ZNF862: variants seen among roughly 807,000 people sequenced by gnomAD.
ZNF862 encodes the protein zinc finger protein 862.
ZNF862 carries 64 observed loss-of-function variants against 91.1 expected under a neutral mutation model. That is an observed-to-expected ratio of 0.70 (90% CI 0.57 to 0.87). ZNF862 has a LOEUF of 0.87. Among genes scored for constraint, ZNF862 ranks in the 40% least tolerant of loss-of-function variants. The pLI is 0.00. For missense variants in ZNF862, 1,459 were observed against 1,528.0 expected, an observed-to-expected ratio of 0.95 and a Z score of 0.75; for synonymous variants, 631 against 618.1, an observed-to-expected ratio of 1.02 and a Z score of -0.31.
In ZNF862 at chr7:149,860,583, T is replaced by C. The variant is rs1241324942; in HGVS notation, c.1423T>C (p.Trp475Arg). Residue 475 changes from tryptophan (W) to arginine (R), a missense_variant, in exon 7 of 8, where the codon TGG becomes CGG. By Grantham distance (101) the Trp-to-Arg change is moderately radical (BLOSUM62 -3). Transcript: ENST00000223210. ...GAGGTCATGGTTTGGGCAGTTCCCATGGTTAGTAATTGACCCCAAAGAGAC... is the reference window on the plus strand; with the variant it reads ...GAGGTCATGGTTTGGGCAGTTCCCACGGTTAGTAATTGACCCCAAAGAGAC... ...IQRSWFGQFPWLVIDPKETKL... is the reference protein window; with the variant it reads ...IQRSWFGQFPRLVIDPKETKL... The C allele has an allele frequency of 8.7e-6, 14 of 1,613,858 alleles. No homozygotes were observed. The East Asian group carries it at 3.1e-4, about 36-fold the overall frequency.
intron 5 of ZNF862, among the ~76,000 whole-genome samples, chr7:149,851,070 G>A (rs903641694): frequency 6.6e-6 from 1 of 152,234 alleles, no homozygotes; most frequent in Non-Finnish European, 1.5e-5. Flanking sequence ...TGGCAGATTA[G>A]CAAGGTTCTT....
intron 7 of ZNF862, among the ~76,000 whole-genome samples, 180 bp from the exon 8 acceptor site, chr7:149,863,929 C>G (rs1802613795): frequency 6.6e-6 from 1 of 152,248 alleles, no homozygotes; most frequent in South Asian, 2.1e-4. Context: ...TTGAGATCCC[C>G]TATCTCAGGA....
intron 1 of ZNF862, among the ~76,000 whole-genome samples, chr7:149,839,605 A>G (rs1286730669): frequency 6.6e-6 from 1 of 152,176 alleles, no homozygotes; most frequent in Non-Finnish European, 1.5e-5. Flanking sequence ...AAAGAGAGAA[A>G]AGGATAATGA....
rs1474358524 is a variant in ZNF862 at position 149,847,772 on chromosome 7, G to A, written c.279G>A (p.Val93=). The A allele has an allele frequency of 1.9e-6, 3 of 1,613,764 alleles. No individual in the cohort carries two copies. The highest frequency in any genetic ancestry group is 2.2e-5 in the South Asian group (2 of 91,048). The change falls in exon 4 of 8, where the codon GTG becomes GTA. Residue 93 remains valine, a synonymous_variant. Coordinates refer to ENST00000223210, the MANE Select transcript of ZNF862 (RefSeq NM_001099220.3). ...TGGGCTACATGGGAGAAATGGAGGT[G>A]CAAGGTCCCACCAGGGAGAGTGGAC... The part of the protein sequence containing the change: ...KQMGYMGEME[V]QGPTRESGQS...
intron 1 of ZNF862, among the ~76,000 whole-genome samples, chr7:149,839,540 C>T (rs1228566266): frequency 1.3e-5 from 2 of 152,148 alleles, no homozygotes; most frequent in African/African-American, 4.8e-5. Context: ...AAGGAGCTCT[C>T]CTGCAGTTTT....
chr7:149,862,021 C>G lies in ZNF862; in HGVS notation c.2861C>G (p.Ala954Gly), dbSNP rs1802527548. 5.0e-6 allele frequency: 8 copies of G among 1,613,850 alleles called. No homozygotes were observed. Among genetic ancestry groups the G allele is most frequent in the Non-Finnish European group, 6.8e-6 (8 of 1,179,880 alleles). The change falls in exon 7 of 8, where the codon GCC becomes GGC. Residue 954 changes from alanine to glycine, a missense_variant. Transcript: ENST00000223210. Reference sequence around the variant, plus strand: ...AACATGGAGGTGTTTGACACCATGGCCTGGCCAAGTGGGATTGAACTTGCC... The same window carrying G: ...AACATGGAGGTGTTTGACACCATGGGCTGGCCAAGTGGGATTGAACTTGCC... ...LKNMEVFDTM[A>G]WPSGIELASF...
At chr7:149,859,573 G>C in intron 6 of ZNF862, 47 bp downstream of exon 6, 1 of 1,468,370 alleles carries the variant, frequency 6.8e-7, no homozygotes, top group South Asian at 1.3e-5. Context: ...CCAGGGCCCA[G>C]GCGGCTATGA....
At chr7:149,856,835 GA>G (rs2128940055) in intron 5 of ZNF862, among the ~76,000 whole-genome samples, 1 of 152,306 alleles carries the variant, frequency 6.6e-6, no homozygotes, top group African/African-American at 2.4e-5. Context: ...GGGTGCAGGG[GA>G]GGCCTTCTTT....
In ZNF862 at chr7:149,860,944, A is replaced by G. The variant is rs200821512; in HGVS notation, c.1784A>G (p.Asn595Ser). 84 of 1,613,668 alleles carry G rather than the reference A, an allele frequency of 5.2e-5. No homozygotes were observed. The highest frequency in any genetic ancestry group is 6.7e-5 in the African/African-American group (5 of 74,924). Residue 595 changes from asparagine (N) to serine (S), a missense_variant, in exon 7 of 8, where the codon AAT (asparagine) becomes AGT (serine). Transcript: ENST00000223210. ...ACCGTGATATTAGGCAAGTACCGCA[A>G]TCGCACGGCGTGCACTCAGTTCATC... ...TGTVILGKYRNRTACTQFIKY... is the reference protein window; with the variant it reads ...TGTVILGKYRSRTACTQFIKY...
intron 5 of ZNF862, among the ~76,000 whole-genome samples, chr7:149,851,394 ATTAT>A (rs1691102761): frequency 6.6e-6 from 1 of 152,238 alleles, no homozygotes; most frequent in Admixed American, 6.5e-5. Flanking sequence ...AGTGACTAAA[ATTAT>A]TTATTTTGTG....
chr7:149,847,946 C>G lies in ZNF862; in HGVS notation c.453C>G (p.Ile151Met). 4 of 1,608,034 alleles carry G rather than the reference C, an allele frequency of 2.5e-6. No individual in the cohort carries two copies. Among genetic ancestry groups the G allele is most frequent in the East Asian group, 2.2e-5 (1 of 44,670 alleles). Residue 151 changes from isoleucine (I) to methionine (M), a missense_variant, in exon 4 of 8, where the codon ATC (isoleucine) becomes ATG (methionine). Ile to Met is a conservative substitution (Grantham distance 10). Transcript: ENST00000223210. Reference protein sequence around the residue: ...KSWFVQFPWLIMNEEQTALFC... With the variant: ...KSWFVQFPWLMMNEEQTALFC... ...GGTTTGTGCAGTTTCCGTGGCTGAT[C>G]ATGAATGAGGAGCAGACGGCTCTGT...
Position 149,860,472 on chromosome 7 carries a change from C to A in ZNF862, c.1312C>A (p.Arg438Ser), listed in dbSNP as rs550510789. ...ALLPGSPVEA[R>S]ASCCSSSICE... ...GCTTCCAGGCTCTCCCGTGGAGGCCCGTGCCTCCTGCTGCAGTTCCAGCAT... is the reference window on the plus strand; with the variant it reads ...GCTTCCAGGCTCTCCCGTGGAGGCCAGTGCCTCCTGCTGCAGTTCCAGCAT... Residue 438 changes from arginine to serine, a missense_variant, in exon 7 of 8, where the codon CGT becomes AGT. Physicochemically the swap from Arg to Ser is moderately radical, Grantham distance 110. Transcript: ENST00000223210. 6.2e-7 allele frequency: 1 copy of A among 1,613,966 alleles called. No individual in the cohort carries two copies. The highest frequency in any genetic ancestry group is 2.2e-5 in the East Asian group (1 of 44,876).
In ZNF862 at chr7:149,855,446, C is replaced by G. The variant is rs554250442; in HGVS notation, c.1118-3976C>G. On this transcript the variant is annotated intron_variant, in intron 5 of 7. Coordinates refer to ENST00000223210, the MANE Select transcript of ZNF862 (RefSeq NM_001099220.3). The surrounding 1 kb of genome is among the most constrained non-coding windows in gnomAD (Gnocchi z 4.1). ...GAAAGGGGCTCCTCTTCTCCCACCC[C>G]CTGCTGGTTTCAGAATTTCTGACTC... Among the ~76,000 whole-genome samples the G allele has an allele frequency of 6.6e-6, 1 of 152,170 alleles. No individual in the cohort carries two copies. The highest frequency in any genetic ancestry group is 1.5e-5 in the Non-Finnish European group (1 of 68,032).
Position 149,847,921 on chromosome 7 carries a change from G to A in ZNF862, c.428G>A (p.Trp143Ter), listed in dbSNP as rs1801930606. The A allele has an allele frequency of 6.2e-7, 1 of 1,606,506 alleles. No individual in the cohort carries two copies. Among genetic ancestry groups the A allele is most frequent in the Non-Finnish European group, 8.5e-7 (1 of 1,176,222 alleles). Residue 143 changes from tryptophan to a stop codon, truncating the protein, a stop_gained, in exon 4 of 8, where the codon TGG becomes TAG. Transcript: ENST00000223210. LOFTEE classifies it high-confidence loss of function. ...LLKPRSIQKS[W>*]FVQFPWLIMN... is the part of the protein sequence containing the mutation. ...AAGCCCCGGTCCATCCAGAAGTCGT[G>A]GTTTGTGCAGTTTCCGTGGCTGATC...
Position 149,838,572 on chromosome 7 carries a change from G to T in ZNF862, c.-40G>T. 2 of 1,207,842 alleles carry T rather than the reference G, an allele frequency of 1.7e-6. No individual in the cohort carries two copies. Among genetic ancestry groups the T allele is most frequent in the South Asian group, 4.2e-5 (1 of 23,812 alleles). The allele number at this position is 1,207,842 out of a possible 1,614,324, so 74.8% of individuals were successfully genotyped here. On this transcript the variant is annotated 5_prime_UTR_variant, in exon 1 of 8. Transcript: ENST00000223210. ...GGCGGCTGCATCCTCAGGCCAGGCC[G>T]CGGGGGGAGGGGGCGGCACGGGCCT...
At chr7:149,853,515 G>A (rs1018733960) in intron 5 of ZNF862, among the ~76,000 whole-genome samples, 2 of 152,226 alleles carry the variant, frequency 1.3e-5, no homozygotes, top group Admixed American at 1.3e-4. Flanking sequence ...GTACCATCAG[G>A]GTACGGTATT....
chr7:149,848,358 G>T lies in ZNF862; in HGVS notation c.865G>T (p.Glu289Ter), dbSNP rs773739921. The T allele has an allele frequency of 6.2e-7, 1 of 1,605,456 alleles. No homozygotes were observed. Among genetic ancestry groups the T allele is most frequent in the Admixed American group, 1.7e-5 (1 of 59,168 alleles). Residue 289 changes from glutamate to a stop codon, truncating the protein, a stop_gained, in exon 4 of 8, where the codon GAA (glutamate) becomes TAA (stop). Coordinates refer to ENST00000223210, the MANE Select transcript of ZNF862 (RefSeq NM_001099220.3). LOFTEE classifies it high-confidence loss of function. ...CTGCATTTCAGATTTGAGGCAAAAA[G>T]AAATCACTGATGGCATCCACAGCTC... The part of the protein sequence containing the change: ...LDCISDLRQK[E>*]ITDGIHSSSD...
rs1356552578 is a variant in ZNF862, at chr7:149,844,696, G to A, written c.96G>A (p.Gln32=). The A allele has an allele frequency of 5.6e-6, 9 of 1,602,352 alleles. No homozygotes were observed. The highest frequency in any genetic ancestry group is 6.0e-6 in the Non-Finnish European group (7 of 1,174,292). The part of the protein sequence containing the change: ...QEEWVLLSQQ[Q]KELCGSNKLV... ...AATGGGTGCTGCTGAGCCAGCAACA[G>A]AAGGAGCTCTGTGGTTCCAACAAGC... The change falls in exon 2 of 8, where the codon CAG becomes CAA. Residue 32 remains glutamine (Q), a synonymous_variant. Transcript: ENST00000223210.
In ZNF862 at chr7:149,861,758, A is replaced by T. The variant is rs766184102; in HGVS notation, c.2598A>T (p.Thr866=). 6 of 1,613,554 alleles carry T rather than the reference A, an allele frequency of 3.7e-6. No individual in the cohort carries two copies. The African/African-American group carries it at 8.0e-5, about 22-fold the overall frequency. The part of the protein sequence containing the change: ...EVCQKEIVLI[T]EVNATLGRAY... ...GCCAGAAGGAGATCGTGCTGATTACAGAGGTGAACGCCACGCTGGGCCGCG... is the reference window on the plus strand; with the variant it reads ...GCCAGAAGGAGATCGTGCTGATTACTGAGGTGAACGCCACGCTGGGCCGCG... The change falls in exon 7 of 8, where the codon ACA becomes ACT. Residue 866 remains threonine (T), a synonymous_variant. Transcript: ENST00000223210. This position sits in a 1 kb window ranked among gnomAD's most constrained non-coding sequence, Gnocchi z 6.7.
Sources: allele counts gnomAD v4.1 joint callset (sites outside exome capture counted in the v4.1 genomes callset), GRCh38; gene constraint gnomAD v4.1.1; non-coding constraint Gnocchi (gnomAD v3.1); transcripts MANE v1.5; gene names NCBI Gene and HGNC (gene_info 2026-07-23, HGNC 2026-07-21).